The following PLCXD3 variants were observed in gnomAD, a reference collection of about 807,000 sequenced individuals.
PLCXD3 encodes PI-PLC X domain-containing protein 3.
A neutral mutation model predicts 25.5 loss-of-function variants in PLCXD3; 19 were observed. The observed-to-expected ratio is 0.75, with a 90% CI of 0.52 to 1.09. The LOEUF is 1.09. Ranked by LOEUF, PLCXD3 falls within the 50% of genes least tolerant of loss-of-function variation. The pLI, the probability that PLCXD3 is intolerant of heterozygous loss-of-function variation, is 0.00. For synonymous variants in PLCXD3, 174 were observed against 137.6 expected (o/e 1.26, Z -1.85); for missense variants, 411 against 388.1 (o/e 1.06, Z -0.50).
At position 41,307,901 on chromosome 5, in the gene PLCXD3, T is replaced by G. The variant is rs1743039596; in HGVS notation, c.*5716A>C. 1 of 152,174 alleles carries G rather than the reference T, an allele frequency of 6.6e-6. No individual in the cohort carries two copies. Among genetic ancestry groups the G allele is most frequent in the Admixed American group, 6.6e-5 (1 of 15,258 alleles). 9.4% of individuals were successfully genotyped at this position (152,174 alleles called of 1,614,324 possible). A position where few individuals can be genotyped will look rare whatever the true frequency, so the allele number is the denominator to read the frequency against. On this transcript the variant is annotated 3_prime_UTR_variant, in exon 3 of 3. Coordinates refer to ENST00000377801, the MANE Select transcript of PLCXD3 (RefSeq NM_001005473.3). ...GCATTTCTAATATGTCGGTGTGTTT[T>G]TGGTTGTCCCAGTTACTGGGAAATG... is the stretch of plus-strand genomic sequence containing the variant.
At chr5:41,500,095 A>T (rs1748920668) in intron 1 of PLCXD3, among the ~76,000 whole-genome samples, 1 of 151,976 alleles carries the variant, frequency 6.6e-6, no homozygotes, top group South Asian at 2.1e-4. Flanking sequence ...AGAATTCAAT[A>T]CATCAAAAAA....
intron 1 of PLCXD3, among the ~76,000 whole-genome samples, chr5:41,505,634 G>T (rs1749038691): frequency 6.6e-6 from 1 of 152,246 alleles, no homozygotes; most frequent in South Asian, 2.1e-4. Flanking sequence ...ACTGGCATTA[G>T]AGATCACTAG....
At chr5:41,398,098 C>A (rs557218071) in intron 1 of PLCXD3, among the ~76,000 whole-genome samples, 1 of 152,242 alleles carries the variant, frequency 6.6e-6, no homozygotes, top group South Asian at 2.1e-4. Context: ...GAAGGCACGT[C>A]TGTGTTTTGA....
chr5:41,326,028 G>T (rs1046871618), intron 2 of PLCXD3, among the ~76,000 whole-genome samples: 1 of 152,066 alleles, frequency 6.6e-6, no homozygotes, highest in African/African-American at 2.4e-5. Flanking sequence ...CAACCTAATC[G>T]CCTCCCAAAG....
chr5:41,344,150 G>A (rs1744240351), intron 2 of PLCXD3, among the ~76,000 whole-genome samples: 2 of 152,064 alleles, frequency 1.3e-5, no homozygotes, highest in African/African-American at 4.8e-5. Context: ...TAATACATTG[G>A]TCATAAAGAG....
chr5:41,364,152 G>T (rs1221044778), intron 2 of PLCXD3, among the ~76,000 whole-genome samples: 1 of 152,136 alleles, frequency 6.6e-6, no homozygotes, highest in East Asian at 1.9e-4. Flanking sequence ...AGGGGAAGGT[G>T]CTACTGGAAT....
chr5:41,340,921 T>C (rs1744122328), intron 2 of PLCXD3, among the ~76,000 whole-genome samples: 1 of 152,152 alleles, frequency 6.6e-6, no homozygotes, highest in Admixed American at 6.6e-5. Flanking sequence ...ACTCCTGGCA[T>C]TGAGTTACAT....
intron 1 of PLCXD3, among the ~76,000 whole-genome samples, chr5:41,469,055 T>A (rs190564490): frequency 1.3e-5 from 2 of 152,194 alleles, no homozygotes; most frequent in Non-Finnish European, 2.9e-5. Context: ...ATTCCCTTTA[T>A]AGCTAATCTG....
chr5:41,363,080 A>G (rs1160180235), intron 2 of PLCXD3, among the ~76,000 whole-genome samples: 1 of 152,228 alleles, frequency 6.6e-6, no homozygotes, highest in Non-Finnish European at 1.5e-5. Context: ...CTGCCTTTTC[A>G]GATAAGGAAA....
At position 41,411,875 on chromosome 5, in the gene PLCXD3, C is replaced by CAT. The variant is rs56365632; in HGVS notation, c.104-29343_104-29342dup. On this transcript the variant is annotated intron_variant, in intron 1 of 2. Coordinates refer to ENST00000377801, the MANE Select transcript of PLCXD3 (RefSeq NM_001005473.3). Reference sequence around the variant, plus strand: ...ATATATGTATCCATATATATATCTCCATATATATGTATCCATATATATATC... The same window carrying CAT: ...ATATATGTATCCATATATATATCTCCATATATATATGTATCCATATATATATC... 8.5e-5 allele frequency among the ~76,000 whole-genome samples: 10 copies of CAT among 117,862 alleles called. 1 individual carries two copies. The highest frequency in any genetic ancestry group is 1.1e-4 in the African/African-American group (3 of 27,192). The allele number at this position is 117,862 out of a possible 152,430, so 77.3% of individuals were successfully genotyped here. A position where few individuals can be genotyped will look rare whatever the true frequency, so the allele number is the denominator to read the frequency against.
Position 41,322,663 on chromosome 5 carries a change from TTCA to T in PLCXD3, c.813-8896_813-8894del, listed in dbSNP as rs535132321. Among the ~76,000 whole-genome samples, 56 of 152,334 alleles carry T rather than the reference TTCA, an allele frequency of 3.7e-4. No homozygotes were observed. In the East Asian group the frequency reaches 6.9e-3, roughly 19 times the overall value. On this transcript the variant is annotated intron_variant, in intron 2 of 2. Coordinates refer to ENST00000377801, the MANE Select transcript of PLCXD3 (RefSeq NM_001005473.3). ...CTAAGATTTGGAAGCAACCTAAATG[TTCA>T]TCAACAGATGACTGGATAAAGAAAA... is the stretch of plus-strand genomic sequence containing the variant.
At chr5:41,415,599 T>A (rs1358644746) in intron 1 of PLCXD3, among the ~76,000 whole-genome samples, 5 of 152,210 alleles carry the variant, frequency 3.3e-5, no homozygotes, top group African/African-American at 1.2e-4. Context: ...TGCATCCTAA[T>A]CACTTAGATA....
Position 41,381,904 on chromosome 5 carries a change from G to A in PLCXD3, c.734C>T (p.Ser245Phe). The A allele has an allele frequency of 1.2e-6, 2 of 1,613,302 alleles. No individual in the cohort carries two copies. The highest frequency in any genetic ancestry group is 1.1e-5 in the South Asian group (1 of 91,048). Residue 245 changes from serine (S) to phenylalanine (F), a missense_variant, in exon 2 of 3, where the codon TCT becomes TTT. Transcript: ENST00000377801. ...AGCTTTGGGGGTCAGCACCACCTGA[G>A]ATATAAAAAACGATCCCTTCTTTCT... ...ERRKKGSFFI[S>F]QVVLTPKAST...
intron 2 of PLCXD3, among the ~76,000 whole-genome samples, chr5:41,374,668 T>C (rs318845): frequency 0.68 from 103,798 of 151,950 alleles, 35,850 homozygotes; most frequent in South Asian, 0.75. Flanking sequence ...TTTTTGTAAA[T>C]AATGATTATT....
intron 1 of PLCXD3, among the ~76,000 whole-genome samples, chr5:41,387,869 T>TA (rs1745687790): frequency 6.6e-6 from 1 of 152,130 alleles, no homozygotes; most frequent in East Asian, 1.9e-4. Context: ...ATAATTATAA[T>TA]ACATTTTGGT....
rs1215117559 is a variant in PLCXD3, at chr5:41,510,574, G to T, written c.-48C>A. ...GCTGGTCCCAGCACTCCTCGGGCAG[G>T]CTGGCAGGCTGCTGCCGCTAATCCA... On this transcript the variant is annotated 5_prime_UTR_variant, in exon 1 of 3. Coordinates refer to ENST00000377801, the MANE Select transcript of PLCXD3 (RefSeq NM_001005473.3). The T allele has an allele frequency of 6.9e-7, 1 of 1,447,604 alleles. No individual in the cohort carries two copies. Among genetic ancestry groups the T allele is most frequent in the African/African-American group, 1.4e-5 (1 of 71,196 alleles). The allele number at this position is 1,447,604 out of a possible 1,614,324, so 89.7% of individuals were successfully genotyped here.
At chr5:41,343,768 G>A (rs1024634357) in intron 2 of PLCXD3, among the ~76,000 whole-genome samples, 1 of 152,012 alleles carries the variant, frequency 6.6e-6, no homozygotes, top group African/African-American at 2.4e-5. Flanking sequence ...ATGAAAACGT[G>A]GTTTAATGTC....
intron 1 of PLCXD3, among the ~76,000 whole-genome samples, chr5:41,462,204 A>G (rs1371974972): frequency 6.6e-6 from 1 of 152,060 alleles, no homozygotes; most frequent in East Asian, 1.9e-4. Flanking sequence ...CAGTTTAGAA[A>G]TCCAGGGTCA....
intron 1 of PLCXD3, among the ~76,000 whole-genome samples, chr5:41,486,271 G>A (rs1478329909): frequency 6.6e-6 from 1 of 151,732 alleles, no homozygotes; most frequent in Non-Finnish European, 1.5e-5. Context: ...ATATATATTA[G>A]ACTCTGTTTC....
Sources: allele counts gnomAD v4.1 joint callset (sites outside exome capture counted in the v4.1 genomes callset), GRCh38; gene constraint gnomAD v4.1.1; transcripts MANE v1.5; gene names NCBI Gene and HGNC (gene_info 2026-07-23, HGNC 2026-07-21).